Variants in LOC128706666 observed in about 807,000 individuals in gnomAD.
At chr20:10,425,565 T>C in the LOC128706666 span, among the ~76,000 whole-genome samples, 96 of 152,350 alleles carry the variant, frequency 6.3e-4, no homozygotes, top group African/African-American at 2.1e-3. Flanking sequence ...TGAAACAAAC[T>C]TAAGCTATTT....
the LOC128706666 span, among the ~76,000 whole-genome samples, chr20:10,431,326 C>T: frequency 3.4e-3 from 513 of 151,808 alleles, 5 homozygotes; most frequent in African/African-American, 0.012. Context: ...TAGGGATTAG[C>T]AATTTTCACT....
At chr20:10,427,029 GACACACACACACAC>G in the LOC128706666 span, among the ~76,000 whole-genome samples, 1,205 of 130,720 alleles carry the variant, frequency 9.2e-3, 11 homozygotes, top group African/African-American at 0.027. Flanking sequence ...AGAAAACACT[GACACACACACACAC>G]ACACACACAC....
chr20:10,432,501 T>C, the LOC128706666 span, among the ~76,000 whole-genome samples: 116 of 152,168 alleles, frequency 7.6e-4, no homozygotes, highest in African/African-American at 2.7e-3. Flanking sequence ...GATTTAAAAA[T>C]TGTGTAGTAG....
the LOC128706666 span, among the ~76,000 whole-genome samples, chr20:10,414,999 T>C: frequency 2.0e-5 from 3 of 152,112 alleles, no homozygotes; most frequent in Admixed American, 6.5e-5. Flanking sequence ...AGGATCTGAG[T>C]TGCAATTCAA....
At chr20:10,421,422 A>C in the LOC128706666 span, among the ~76,000 whole-genome samples, 22 of 151,460 alleles carry the variant, frequency 1.5e-4, no homozygotes, top group African/African-American at 5.1e-4. Flanking sequence ...ATCACAAAAA[A>C]AAAAAAAAAA....
the LOC128706666 span, among the ~76,000 whole-genome samples, chr20:10,432,613 C>G: frequency 6.6e-6 from 1 of 151,828 alleles, no homozygotes; most frequent in Non-Finnish European, 1.5e-5. Context: ...GCCAACATGG[C>G]GAAACACCAT....
chr20:10,432,781 CTCTT>C, the LOC128706666 span, among the ~76,000 whole-genome samples: 218 of 88,202 alleles, frequency 2.5e-3, no homozygotes, highest in African/African-American at 7.1e-3. Context: ...CAGAGCGAGA[CTCTT>C]TGTCAAAAAA....
At chr20:10,420,727 C>T in the LOC128706666 span, 3 of 152,114 alleles carry the variant, frequency 2.0e-5, no homozygotes, top group African/African-American at 2.4e-5. Flanking sequence ...CCACAAGTTC[C>T]GAAGGCTCAT....
chr20:10,427,216 A>T, the LOC128706666 span, among the ~76,000 whole-genome samples: 4 of 152,250 alleles, frequency 2.6e-5, no homozygotes, highest in African/African-American at 4.8e-5. Context: ...CTGCAAAATT[A>T]GGCCTAAAAT....
chr20:10,420,790 C>A, the LOC128706666 span: 3 of 152,182 alleles, frequency 2.0e-5, no homozygotes, highest in Non-Finnish European at 2.9e-5. Flanking sequence ...AGGAAAAAAA[C>A]CACTAAAACC....
chr20:10,422,014 A>G, the LOC128706666 span, among the ~76,000 whole-genome samples: 10 of 152,268 alleles, frequency 6.6e-5, no homozygotes, highest in Admixed American at 3.9e-4. Context: ...TCTAAATGCC[A>G]TTAGAAAAAG....
the LOC128706666 span, among the ~76,000 whole-genome samples, chr20:10,417,844 T>C: frequency 2.7e-5 from 4 of 150,730 alleles, no homozygotes; most frequent in East Asian, 2.0e-4. Flanking sequence ...TTACAGGAAA[T>C]AGGGGAGAGA....
At chr20:10,427,029 G>GACTGAC in the LOC128706666 span, among the ~76,000 whole-genome samples, 1 of 130,724 alleles carries the variant, frequency 7.6e-6, no homozygotes, top group African/African-American at 3.1e-5. Context: ...AGAAAACACT[G>GACTGAC]ACACACACAC....
At chr20:10,432,395 A>G in the LOC128706666 span, among the ~76,000 whole-genome samples, 1 of 152,240 alleles carries the variant, frequency 6.6e-6, no homozygotes, top group African/African-American at 2.4e-5. Context: ...ATCTAGAAAC[A>G]TCTTGCTCAA....
the LOC128706666 span, among the ~76,000 whole-genome samples, chr20:10,425,338 T>C: frequency 5.3e-5 from 8 of 152,258 alleles, no homozygotes; most frequent in African/African-American, 1.9e-4. Context: ...TTTGAGATTT[T>C]TCAATGCTTT....
At chr20:10,423,969 CAT>C in the LOC128706666 span, among the ~76,000 whole-genome samples, 2 of 150,714 alleles carry the variant, frequency 1.3e-5, no homozygotes, top group South Asian at 2.1e-4. Context: ...CTCCATATCT[CAT>C]ATATTGATTT....
chr20:10,432,614 G>A, the LOC128706666 span, among the ~76,000 whole-genome samples: 2 of 151,976 alleles, frequency 1.3e-5, no homozygotes, highest in Non-Finnish European at 1.5e-5. Flanking sequence ...CCAACATGGC[G>A]AAACACCATC....
At chr20:10,432,439 G>A in the LOC128706666 span, among the ~76,000 whole-genome samples, 1 of 152,134 alleles carries the variant, frequency 6.6e-6, no homozygotes, top group Admixed American at 6.5e-5. Flanking sequence ...GTATTTGGGG[G>A]ATTGCATCCA....
chr20:10,418,602 A>G, the LOC128706666 span, among the ~76,000 whole-genome samples: 1 of 152,114 alleles, frequency 6.6e-6, no homozygotes, highest in African/African-American at 2.4e-5. Flanking sequence ...CTATTGCTGC[A>G]CTGGCATCTA....
Sources: gnomAD v4.1 joint callset for allele counts (sites outside exome capture counted in the v4.1 genomes callset) on GRCh38, gnomAD v4.1.1 for gene constraint, MANE v1.5 for transcripts.